Variants in VPS52 observed in about 807,000 individuals in gnomAD.
VPS52 encodes the protein VPS52 subunit of GARP complex.
VPS52 carries 56 observed loss-of-function variants against 98.7 expected under a neutral mutation model. The ratio of observed to expected loss-of-function variants is 0.57; its 90% CI spans 0.46 to 0.71. VPS52 has a LOEUF of 0.71. VPS52 is among the 30% of genes least tolerant of loss of function. The pLI, the probability that VPS52 is intolerant of heterozygous loss-of-function variation, is 0.00. For missense variants in VPS52, 742 were observed against 925.9 expected (o/e 0.80, Z 2.58); for synonymous variants, 348 against 346.4 (o/e 1.00, Z -0.05).
chr6:33,256,960 ATTAATTCCAAGTAAAT>A (rs1763065735), intron 17 of VPS52, among the ~76,000 whole-genome samples: 1 of 152,126 alleles, frequency 6.6e-6, no homozygotes, highest in Non-Finnish European at 1.5e-5. Context: ...ACACACAAAA[ATTAATTCCAAGTAAAT>A]TTGAGACTTA....
intron 17 of VPS52, among the ~76,000 whole-genome samples, chr6:33,256,346 T>G (rs974598640): frequency 2.7e-5 from 4 of 150,788 alleles, no homozygotes; most frequent in African/African-American, 4.9e-5. Flanking sequence ...GTGCCTCTAG[T>G]CCTAGCTACT....
chr6:33,264,883 A>G lies in VPS52; in HGVS notation c.1299T>C (p.Tyr433=), dbSNP rs1462542979. ...LSMTLKHLDS[Y]LADCYDAIAV... is the part of the protein sequence containing the mutation. ...CAATGGCATCGTAGCAGTCAGCTAG[A>G]TAAGAATCCAGGTGTTTCTGTGTGA... The change falls in exon 13 of 20, where the codon TAT becomes TAC. Residue 433 remains tyrosine, a synonymous_variant. Coordinates refer to ENST00000445902, the MANE Select transcript of VPS52 (RefSeq NM_022553.6). 14 of 1,612,854 alleles carry G rather than the reference A, an allele frequency of 8.7e-6. No individual in the cohort carries two copies. The highest frequency in any genetic ancestry group is 1.2e-5 in the Non-Finnish European group (14 of 1,179,916).
intron 13 of VPS52, 141 bp downstream of exon 13, chr6:33,264,641 C>G: frequency 1.4e-6 from 2 of 1,422,280 alleles, no homozygotes; most frequent in Non-Finnish European, 2.0e-6. Context: ...AGTCAAAAAG[C>G]AGCACTACTG....
chr6:33,259,067 G>A (rs1218532171), intron 17 of VPS52, among the ~76,000 whole-genome samples: 1 of 152,144 alleles, frequency 6.6e-6, no homozygotes, highest in African/African-American at 2.4e-5. Flanking sequence ...GTGTGTCCAG[G>A]CTGTTTACAG....
At position 33,264,764 on chromosome 6, in the gene VPS52, G is replaced by A; in HGVS notation, c.1400+18C>T. The stretch of plus-strand genomic sequence containing the variant: ...GAGTTCGTGGCCTGTTGGGCATCAA[G>A]GACCAGAATTCAGTGACCTGTCCAG... On this transcript the variant is annotated intron_variant, in intron 13 of 19. Transcript: ENST00000445902. 1 of 1,608,528 alleles carries A rather than the reference G, an allele frequency of 6.2e-7. No homozygotes were observed. Among genetic ancestry groups the A allele is most frequent in the South Asian group, 1.1e-5 (1 of 91,018 alleles).
Position 33,264,400 on chromosome 6 carries a change from C to G in VPS52, c.1498G>C (p.Gly500Arg). 6.2e-7 allele frequency: 1 copy of G among 1,614,208 alleles called. No homozygotes were observed. Among genetic ancestry groups the G allele is most frequent in the East Asian group, 2.2e-5 (1 of 44,892 alleles). Reference protein sequence around the residue: ...SVRSTDPQRLGGLDTRPHYIT... With the variant: ...SVRSTDPQRLRGLDTRPHYIT... ...TAGTGGGGCCGAGTATCCAACCCCC[C>G]TAGGCGCTGGGGGTCAGTGCTTCGG... Residue 500 changes from glycine to arginine, a missense_variant, in exon 14 of 20, where the codon GGG (glycine) becomes CGG (arginine). Transcript: ENST00000445902.
Position 33,270,231 on chromosome 6 carries a change from G to A in VPS52, c.143C>T (p.Thr48Ile). ...TTCATCCAGGATGAATTCATCAGAA[G>A]TGATATCCAACTCCCCAAGTTGCAG... The part of the protein sequence containing the change: ...EPLQLGELDI[T>I]SDEFILDEVD... Residue 48 changes from threonine to isoleucine, a missense_variant, in exon 2 of 20, where the codon ACT (threonine) becomes ATT (isoleucine). By Grantham distance (89) the Thr-to-Ile change is moderately conservative (BLOSUM62 -1). This residue lies in a region of VPS52 where 152 missense variants were observed against 132.6 expected (regional missense o/e 1.15). Coordinates refer to ENST00000445902, the MANE Select transcript of VPS52 (RefSeq NM_022553.6). 1 of 1,613,578 alleles carries A rather than the reference G, an allele frequency of 6.2e-7. No homozygotes were observed. The highest frequency in any genetic ancestry group is 1.1e-5 in the South Asian group (1 of 91,076).
intron 5 of VPS52, 87 bp downstream of exon 5, chr6:33,269,403 T>G (rs1764725035): frequency 6.4e-7 from 1 of 1,562,902 alleles, no homozygotes; most frequent in Non-Finnish European, 8.8e-7. Context: ...CCTGTCCCCA[T>G]CTTGAGGCTG....
At chr6:33,271,390 G>C (rs1178373243) in intron 1 of VPS52, 196 bp downstream of exon 1, 2 of 778,672 alleles carry the variant, frequency 2.6e-6, no homozygotes, top group African/African-American at 3.4e-5. Context: ...TTGAAATTTT[G>C]TGCCCCAGAA....
intron 17 of VPS52, among the ~76,000 whole-genome samples, chr6:33,257,393 T>C (rs1287030683): frequency 6.6e-6 from 1 of 151,724 alleles, no homozygotes; most frequent in Non-Finnish European, 1.5e-5. Context: ...CTTGGAGTAA[T>C]AAGGAATTTC....
intron 4 of VPS52, 77 bp downstream of exon 4, chr6:33,269,667 C>A: frequency 5.7e-6 from 9 of 1,570,940 alleles, no homozygotes; most frequent in Non-Finnish European, 7.9e-6. Context: ...GATGTTGACC[C>A]CAGCTGGGAC....
Position 33,267,552 on chromosome 6 carries a change from T to C in VPS52, c.991+130A>G, listed in dbSNP as rs556605073. 530 of 1,254,804 alleles carry C rather than the reference T, an allele frequency of 4.2e-4. 1 individual carries two copies. The highest frequency in any genetic ancestry group is 5.6e-4 in the Non-Finnish European group (502 of 892,978). 77.7% of individuals were successfully genotyped at this position (1,254,804 alleles called of 1,614,324 possible). A position where few individuals can be genotyped will look rare whatever the true frequency, so the allele number is the denominator to read the frequency against. On this transcript the variant is annotated intron_variant, in intron 10 of 19. Transcript: ENST00000445902. This position sits in a 1 kb window ranked among gnomAD's most constrained non-coding sequence, Gnocchi z 4.2. Reference sequence around the variant, plus strand: ...TGTGCATCTTTCTGGGGAGGGAGGCTATAGCTTTCATCACATTCTAAAAGG... The same window carrying C: ...TGTGCATCTTTCTGGGGAGGGAGGCCATAGCTTTCATCACATTCTAAAAGG...
intron 17 of VPS52, among the ~76,000 whole-genome samples, chr6:33,256,214 G>A (rs1329663845): frequency 6.6e-6 from 1 of 151,980 alleles, no homozygotes. Context: ...CTTAAAAATT[G>A]GAGGAGGAGG....
Position 33,267,336 on chromosome 6 carries a change from A to G in VPS52, c.992-15T>C. 1.3e-6 allele frequency: 2 copies of G among 1,560,120 alleles called. No homozygotes were observed. The highest frequency in any genetic ancestry group is 1.7e-6 in the Non-Finnish European group (2 of 1,153,660). On this transcript the variant is annotated splice_polypyrimidine_tract_variant and intron_variant, in intron 10 of 19. Coordinates refer to ENST00000445902, the MANE Select transcript of VPS52 (RefSeq NM_022553.6). The surrounding 1 kb of genome is among the most constrained non-coding windows in gnomAD (Gnocchi z 4.2). ...TGAGAAGAATCGTAAGATGGGTCAG[A>G]GTCAGGGAAAACAATGAGACCATAA...
At position 33,267,607 on chromosome 6, in the gene VPS52, A is replaced by G; in HGVS notation, c.991+75T>C. On this transcript the variant is annotated intron_variant, in intron 10 of 19. Coordinates refer to ENST00000445902, the MANE Select transcript of VPS52 (RefSeq NM_022553.6). This position sits in a 1 kb window ranked among gnomAD's most constrained non-coding sequence, Gnocchi z 4.2. The stretch of plus-strand genomic sequence containing the variant: ...AGTCCCATAGGAAAAGGTAAGGAGC[A>G]GTGCATTGGTGGCTGGAGTCGAAAG... 1 of 1,533,104 alleles carries G rather than the reference A, an allele frequency of 6.5e-7. No individual in the cohort carries two copies. Among genetic ancestry groups the G allele is most frequent in the South Asian group, 1.1e-5 (1 of 88,244 alleles). 95.0% of individuals were successfully genotyped at this position (1,533,104 alleles called of 1,614,324 possible).
chr6:33,250,794 G>A lies in VPS52; in HGVS notation c.*47C>T, dbSNP rs1025237058. The A allele has an allele frequency of 1.9e-6, 3 of 1,594,250 alleles. No homozygotes were observed. Among genetic ancestry groups the A allele is most frequent in the African/African-American group, 2.7e-5 (2 of 74,404 alleles). ...GAAGAAGGGTATGGAATGGGGTGCA[G>A]AAGTCCATGGAGATGACCGGCAGAT... On this transcript the variant is annotated 3_prime_UTR_variant, in exon 20 of 20. Transcript: ENST00000445902.
At chr6:33,264,182 AC>A (rs1763996363) in intron 14 of VPS52, 79 bp from the exon 15 acceptor site, 2 of 1,567,664 alleles carry the variant, frequency 1.3e-6, no homozygotes, top group African/African-American at 2.7e-5. Flanking sequence ...TAGCCAACCC[AC>A]CTCCATGTGA....
At chr6:33,258,899 A>G (rs867876753) in intron 17 of VPS52, among the ~76,000 whole-genome samples, 3 of 152,322 alleles carry the variant, frequency 2.0e-5, no homozygotes, top group Middle Eastern at 3.4e-3. Context: ...ATGCTATGAC[A>G]GCCATTTTAC....
At chr6:33,262,040 CAAAAAAAAA>C (rs9257102) in intron 17 of VPS52, among the ~76,000 whole-genome samples, 14 of 15,362 alleles carry the variant, frequency 9.1e-4, no homozygotes, top group Admixed American at 1.8e-3. Context: ...AACTCCATCT[CAAAAAAAAA>C]AAAAAAAAAA....
Sources: allele counts gnomAD v4.1 joint callset (sites outside exome capture counted in the v4.1 genomes callset), GRCh38; gene constraint gnomAD v4.1.1; regional missense constraint gnomAD v4.1.1; non-coding constraint Gnocchi (gnomAD v3.1); transcripts MANE v1.5; gene names NCBI Gene and HGNC (gene_info 2026-07-23, HGNC 2026-07-21).